Variants in DNAH10 observed in about 807,000 individuals in gnomAD.
DNAH10 encodes dynein axonemal heavy chain 10.
DNAH10 carries 348 observed loss-of-function variants against 506.6 expected under a neutral mutation model. That is an observed-to-expected ratio of 0.69 (90% confidence interval 0.63 to 0.75). The LOEUF is 0.75. Ranked by LOEUF, DNAH10 falls within the 30% of genes least tolerant of loss-of-function variation. The pLI, the probability that DNAH10 is intolerant of heterozygous loss-of-function variation, is 0.00. For missense variants in DNAH10, 5,179 were observed against 5,787.1 expected, an observed-to-expected ratio of 0.89 and a Z score of 3.41; for synonymous variants, 2,059 against 2,198.6, an observed-to-expected ratio of 0.94 and a Z score of 1.78.
At chr12:123,818,073 T>C (rs946606209) in intron 21 of DNAH10, among the ~76,000 whole-genome samples, 4 of 151,688 alleles carry the variant, frequency 2.6e-5, no homozygotes, top group Non-Finnish European at 5.9e-5. Flanking sequence ...CTCGGCCTCC[T>C]GAGTAGCTGC....
At chr12:123,862,798 TTCCTGAGTTTGATAA>T (rs1951662711) in intron 39 of DNAH10, among the ~76,000 whole-genome samples, 10 of 152,204 alleles carry the variant, frequency 6.6e-5, no homozygotes, top group Admixed American at 5.9e-4. Flanking sequence ...AATATTACAT[TTCCTGAGTTTGATAA>T]TTCTGCTGTG....
intron 27 of DNAH10, among the ~76,000 whole-genome samples, chr12:123,834,193 T>A (rs1298575652): frequency 6.6e-6 from 1 of 152,204 alleles, no homozygotes; most frequent in East Asian, 1.9e-4. Context: ...ATAGCACTGT[T>A]TTTTAATTTG....
chr12:123,870,024 CA>C (rs1349822212), intron 43 of DNAH10, among the ~76,000 whole-genome samples: 1 of 152,178 alleles, frequency 6.6e-6, no homozygotes, highest in Non-Finnish European at 1.5e-5. Context: ...GGGTAGGGAC[CA>C]GGGCTCTCTG....
intron 70 of DNAH10, 199 bp from the exon 71 acceptor site, chr12:123,929,076 G>A: frequency 1.6e-6 from 1 of 618,274 alleles, no homozygotes; most frequent in South Asian, 2.0e-5. Flanking sequence ...AAAGACTCTT[G>A]ACCCTTGACC....
intron 54 of DNAH10, among the ~76,000 whole-genome samples, chr12:123,896,010 G>C (rs1454542044): frequency 6.6e-6 from 1 of 151,748 alleles, no homozygotes; most frequent in Non-Finnish European, 1.5e-5. Context: ...CTACTCAGGA[G>C]GCTGAGCCAT....
At chr12:123,857,683 G>A (rs1359889664) in intron 37 of DNAH10, among the ~76,000 whole-genome samples, 10 of 152,226 alleles carry the variant, frequency 6.6e-5, no homozygotes, top group Non-Finnish European at 1.3e-4. Context: ...AGCCAAGATC[G>A]TGCCACTGCA....
chr12:123,893,507 A>G, intron 53 of DNAH10, 71 bp downstream of exon 53: 18 of 1,559,950 alleles, frequency 1.2e-5, no homozygotes, highest in Non-Finnish European at 1.6e-5. Flanking sequence ...GTCTGTCCAC[A>G]CCTCTCCAGG....
In DNAH10 at chr12:123,928,476, T is replaced by G. The variant is rs902330538; in HGVS notation, c.12195T>G (p.Asp4065Glu). Residue 4065 changes from aspartate (D) to glutamate (E), a missense_variant, in exon 70 of 79, where the codon GAT becomes GAG. Coordinates refer to ENST00000673944, the MANE Select transcript of DNAH10 (RefSeq NM_001372106.1). This position sits in a 1 kb window ranked among gnomAD's most constrained non-coding sequence, Gnocchi z 4.9. ...NCHLLVKWLK[D>E]LEKSLERITK... is the part of the protein sequence containing the mutation. ...ACCTCCTGGTCAAGTGGCTGAAAGA[T>G]CTGGAGAAGTCCCTGGAGAGGATCA... The G allele has an allele frequency of 6.2e-7, 1 of 1,610,786 alleles. No homozygotes were observed. The highest frequency in any genetic ancestry group is 8.5e-7 in the Non-Finnish European group (1 of 1,178,694).
intron 16 of DNAH10, among the ~76,000 whole-genome samples, chr12:123,802,256 A>C (rs936968963): frequency 9.9e-5 from 15 of 152,230 alleles, no homozygotes; most frequent in African/African-American, 3.1e-4. Context: ...ATAAATGCCC[A>C]GGAGTGCAGT....
chr12:123,904,379 T>C (rs1373473534), intron 57 of DNAH10, among the ~76,000 whole-genome samples: 1 of 152,176 alleles, frequency 6.6e-6, no homozygotes, highest in African/African-American at 2.4e-5. Context: ...AATTTCTAGC[T>C]ACCGGTGATA....
In DNAH10 at chr12:123,930,463, A is replaced by C. The variant is rs557850824; in HGVS notation, c.12674A>C (p.Asp4225Ala). 164 of 1,608,056 alleles carry C rather than the reference A, an allele frequency of 1.0e-4. 1 individual carries two copies. In the South Asian group the frequency reaches 1.7e-3, roughly 16 times the overall value. The stretch of plus-strand genomic sequence containing the variant: ...CGCCGCATCCTGACCATCTACATGG[A>C]TGAGTACCTGGGGGACTTCATTTTT... ...FDRRILTIYM[D>A]EYLGDFIFDT... Residue 4225 changes from aspartate (D) to alanine (A), a missense_variant, in exon 73 of 79, where the codon GAT becomes GCT. Physicochemically the swap from Asp to Ala is moderately radical, Grantham distance 126. This residue lies in a region of DNAH10 where 4,844 missense variants were observed against 5,430.5 expected (regional missense o/e 0.89). Transcript: ENST00000673944.
chr12:123,894,663 A>G lies in DNAH10; in HGVS notation c.9220A>G (p.Ile3074Val). Residue 3074 changes from isoleucine (I) to valine (V), a missense_variant, in exon 54 of 79, where the codon ATT becomes GTT. Ile to Val is a conservative substitution (Grantham distance 29, BLOSUM62 3). Transcript: ENST00000673944. ...NFPGMVNNTG[I>V]DWFMPWPPQA... ...TCAAGGTATGGTAAATAACACTGGT[A>G]TTGACTGGTTCATGCCCTGGCCTCC... The G allele has an allele frequency of 1.2e-6, 2 of 1,613,996 alleles. No individual in the cohort carries two copies. Among genetic ancestry groups the G allele is most frequent in the Non-Finnish European group, 1.7e-6 (2 of 1,179,888 alleles).
chr12:123,762,571 C>A lies in DNAH10; in HGVS notation c.214+21C>A. 6.5e-7 allele frequency: 1 copy of A among 1,538,500 alleles called. No individual in the cohort carries two copies. The highest frequency in any genetic ancestry group is 8.7e-7 in the Non-Finnish European group (1 of 1,143,048). ...GATTGGTGAGCCTCGACGCGCCGCTCCCTTCCCCGGGCTTCCCTCCTGCCC... is the reference window on the plus strand; with the variant it reads ...GATTGGTGAGCCTCGACGCGCCGCTACCTTCCCCGGGCTTCCCTCCTGCCC... On this transcript the variant is annotated intron_variant, in intron 1 of 78. Coordinates refer to ENST00000673944, the MANE Select transcript of DNAH10 (RefSeq NM_001372106.1). This position sits in a 1 kb window ranked among gnomAD's most constrained non-coding sequence, Gnocchi z 5.0.
chr12:123,924,690 C>T (rs553889135), intron 67 of DNAH10, among the ~76,000 whole-genome samples: 132 of 151,416 alleles, frequency 8.7e-4, no homozygotes, highest in Non-Finnish European at 1.6e-3. Context: ...ATTTACCCAC[C>T]GACCCATTCA....
chr12:123,789,397 C>T (rs1369488700), intron 10 of DNAH10, among the ~76,000 whole-genome samples: 1 of 149,368 alleles, frequency 6.7e-6, no homozygotes, highest in African/African-American at 2.5e-5. Flanking sequence ...TGTGTGTGTG[C>T]ATGTGAGACA....
chr12:123,867,621 G>T lies in DNAH10; in HGVS notation c.7302+20G>T, dbSNP rs374072341. 1.2e-6 allele frequency: 2 copies of T among 1,611,114 alleles called. No individual in the cohort carries two copies. Among genetic ancestry groups the T allele is most frequent in the African/African-American group, 2.7e-5 (2 of 74,746 alleles). ...AATATGGTAAGAAATGATCCCTGCTGTTAGCAAAAAGAAATTCTTTCCTAA... is the reference window on the plus strand; with the variant it reads ...AATATGGTAAGAAATGATCCCTGCTTTTAGCAAAAAGAAATTCTTTCCTAA... On this transcript the variant is annotated intron_variant, in intron 42 of 78. Coordinates refer to ENST00000673944, the MANE Select transcript of DNAH10 (RefSeq NM_001372106.1).
At chr12:123,885,818 C>T (rs1336075716) in intron 51 of DNAH10, among the ~76,000 whole-genome samples, 1 of 151,974 alleles carries the variant, frequency 6.6e-6, no homozygotes, top group Non-Finnish European at 1.5e-5. Flanking sequence ...TTAAATGATC[C>T]TTTCTCCAAT....
intron 21 of DNAH10, among the ~76,000 whole-genome samples, chr12:123,818,206 C>T (rs1335468418): frequency 6.6e-6 from 1 of 152,082 alleles, no homozygotes; most frequent in Admixed American, 6.5e-5. Context: ...CTCAGCCTCC[C>T]AAAGTGCTGG....
At chr12:123,776,165 A>G (rs1439612794) in intron 5 of DNAH10, among the ~76,000 whole-genome samples, 1 of 152,114 alleles carries the variant, frequency 6.6e-6, no homozygotes, top group Non-Finnish European at 1.5e-5. Context: ...GGGTGGGGAC[A>G]CGGCCAAACC....
Sources: allele counts gnomAD v4.1 joint callset (sites outside exome capture counted in the v4.1 genomes callset), GRCh38; gene constraint gnomAD v4.1.1; regional missense constraint gnomAD v4.1.1; non-coding constraint Gnocchi (gnomAD v3.1); transcripts MANE v1.5; gene names NCBI Gene and HGNC (gene_info 2026-07-23, HGNC 2026-07-21).